Variants in GPC6 observed in about 807,000 individuals in gnomAD.
The protein encoded by GPC6 is glypican-6.
A neutral mutation model predicts 55.2 loss-of-function variants in GPC6; 14 were observed. The observed-to-expected ratio is 0.25, with a 90% CI of 0.17 to 0.40. The LOEUF is 0.40. Ranked by LOEUF, GPC6 falls within the 10% of genes least tolerant of loss-of-function variation. GPC6 has a pLI of 1.00. For synonymous variants in GPC6, 278 were observed against 259.6 expected, an observed-to-expected ratio of 1.07 and a Z score of -0.68; for missense variants, 641 against 708.5, an observed-to-expected ratio of 0.90 and a Z score of 1.08.
chr13:93,912,539 C>A (rs180690167), intron 3 of GPC6, among the ~76,000 whole-genome samples: 47 of 152,080 alleles, frequency 3.1e-4, no homozygotes, highest in Non-Finnish European at 6.3e-4. Context: ...GTCAGGAGAT[C>A]GAGACCATCC....
chr13:94,112,377 A>G (rs1362619032), intron 4 of GPC6, among the ~76,000 whole-genome samples: 1 of 152,142 alleles, frequency 6.6e-6, no homozygotes, highest in African/African-American at 2.4e-5. Context: ...GGGTGACCTA[A>G]TTTGTTGGCA....
At chr13:94,014,784 C>G (rs932476205) in intron 3 of GPC6, among the ~76,000 whole-genome samples, 4 of 152,168 alleles carry the variant, frequency 2.6e-5, no homozygotes, top group Non-Finnish European at 5.9e-5. Context: ...TAAATGGAAT[C>G]ATACAATATA....
At chr13:93,422,833 G>T (rs191821923) in intron 1 of GPC6, among the ~76,000 whole-genome samples, 74 of 152,200 alleles carry the variant, frequency 4.9e-4, no homozygotes, top group African/African-American at 1.6e-3. Context: ...GGTCTTCTTT[G>T]TCTGCTCTTG....
At chr13:93,841,157 A>G (rs1887940027) in intron 3 of GPC6, among the ~76,000 whole-genome samples, 1 of 152,162 alleles carries the variant, frequency 6.6e-6, no homozygotes, top group Admixed American at 6.6e-5. Context: ...TTACAAGGAC[A>G]TTCCCTGGTG....
intron 2 of GPC6, among the ~76,000 whole-genome samples, chr13:93,547,131 C>A (rs1276811343): frequency 1.7e-4 from 25 of 150,310 alleles, no homozygotes; most frequent in Non-Finnish European, 5.9e-5. Context: ...GAGATTGAGG[C>A]CATCCTGGCC....
chr13:93,247,578 C>A (rs1479085524), intron 1 of GPC6, among the ~76,000 whole-genome samples: 1 of 152,080 alleles, frequency 6.6e-6, no homozygotes, highest in Non-Finnish European at 1.5e-5. Flanking sequence ...GATATCAGGT[C>A]AAGCATTATG....
chr13:93,882,594 G>T (rs1195763074), intron 3 of GPC6, among the ~76,000 whole-genome samples: 1 of 151,908 alleles, frequency 6.6e-6, no homozygotes, highest in Non-Finnish European at 1.5e-5. Context: ...ATACATTAGA[G>T]ATCATTTTGT....
At chr13:94,014,488 GTTCT>G (rs1357261188) in intron 3 of GPC6, among the ~76,000 whole-genome samples, 1 of 152,072 alleles carries the variant, frequency 6.6e-6, no homozygotes, top group Admixed American at 6.5e-5. Flanking sequence ...TGGAGGAACT[GTTCT>G]TTCTCTTTTT....
chr13:93,753,159 A>G (rs566454600), intron 2 of GPC6, among the ~76,000 whole-genome samples: 1 of 152,302 alleles, frequency 6.6e-6, no homozygotes, highest in Admixed American at 6.5e-5. Flanking sequence ...TTGACACAGT[A>G]AGAGACCCTG....
intron 6 of GPC6, among the ~76,000 whole-genome samples, chr13:94,374,274 T>C (rs1310317702): frequency 4.0e-5 from 6 of 151,688 alleles, no homozygotes; most frequent in Non-Finnish European, 8.8e-5. Flanking sequence ...ACTGGCAAAT[T>C]GGATGAAGAG....
At chr13:93,993,416 C>T (rs912122697) in intron 3 of GPC6, among the ~76,000 whole-genome samples, 2 of 151,614 alleles carry the variant, frequency 1.3e-5, no homozygotes, top group African/African-American at 4.8e-5. Context: ...GCCTCAGCCT[C>T]CTGAGTAGCT....
chr13:94,387,803 T>A (rs1163578595), intron 7 of GPC6, among the ~76,000 whole-genome samples: 1 of 150,466 alleles, frequency 6.6e-6, no homozygotes, highest in Non-Finnish European at 1.5e-5. Context: ...ATCAGCAAAC[T>A]AGGAAGAGAG....
At chr13:93,375,420 G>A (rs529299495) in intron 1 of GPC6, among the ~76,000 whole-genome samples, 11 of 152,254 alleles carry the variant, frequency 7.2e-5, no homozygotes, top group Admixed American at 3.9e-4. Context: ...ACTATCAGAC[G>A]GCGTGGAGTG....
At chr13:94,169,181 A>G (rs1888475848) in intron 4 of GPC6, among the ~76,000 whole-genome samples, 1 of 152,244 alleles carries the variant, frequency 6.6e-6, no homozygotes, top group Non-Finnish European at 1.5e-5. Flanking sequence ...CACTTTTAAA[A>G]GAAAAGCAAC....
chr13:93,659,623 A>G (rs2139610473), intron 2 of GPC6, among the ~76,000 whole-genome samples: 1 of 152,176 alleles, frequency 6.6e-6, no homozygotes, highest in Middle Eastern at 3.4e-3. Flanking sequence ...TTATAATGCT[A>G]TCAATCCTCT....
At chr13:94,273,204 C>T (rs1170452829) in intron 4 of GPC6, among the ~76,000 whole-genome samples, 1 of 152,168 alleles carries the variant, frequency 6.6e-6, no homozygotes, top group East Asian at 1.9e-4. Context: ...GTAAGTTGCC[C>T]TAGGTCAGAG....
chr13:94,125,104 C>T (rs978884776), intron 4 of GPC6, among the ~76,000 whole-genome samples: 1 of 152,132 alleles, frequency 6.6e-6, no homozygotes, highest in Non-Finnish European at 1.5e-5. Flanking sequence ...AAGAGCCATC[C>T]ATGTGTCTCT....
chr13:93,879,153 C>T (rs1037118292), intron 3 of GPC6, among the ~76,000 whole-genome samples: 26 of 152,178 alleles, frequency 1.7e-4, no homozygotes, highest in African/African-American at 5.1e-4. Context: ...GCATTCTTCA[C>T]GTAGTTCTCG....
At chr13:93,524,309 T>G (rs900852815) in intron 1 of GPC6, among the ~76,000 whole-genome samples, 2 of 151,982 alleles carry the variant, frequency 1.3e-5, no homozygotes, top group African/African-American at 4.8e-5. Context: ...AACAGGAGTA[T>G]GCTTCCTAAG....
Sources: allele counts gnomAD v4.1 joint callset (sites outside exome capture counted in the v4.1 genomes callset), GRCh38; gene constraint gnomAD v4.1.1; transcripts MANE v1.5; gene names NCBI Gene and HGNC (gene_info 2026-07-23, HGNC 2026-07-21).